The following SCN10A variants were observed in gnomAD, a reference collection of about 807,000 sequenced individuals.
SCN10A encodes the protein sodium voltage-gated channel alpha subunit 10.
SCN10A carries 162 observed loss-of-function variants against 170.7 expected under a neutral mutation model. The observed-to-expected ratio is 0.95, with a 90% confidence interval of 0.84 to 1.08. The LOEUF is 1.08. Among genes scored for constraint, SCN10A ranks in the 50% least tolerant of loss-of-function variants. The probability of loss-of-function intolerance (pLI) is 0.00; values close to 1 mark genes in which losing one functional copy is unlikely to be tolerated. For synonymous variants in SCN10A, 985 were observed against 904.6 expected, an observed-to-expected ratio of 1.09 and a Z score of -1.59; for missense variants, 2,527 against 2,436.9, an observed-to-expected ratio of 1.04 and a Z score of -0.78.
At chr3:38,699,306 C>G (rs1027966879) in intron 27 of SCN10A, among the ~76,000 whole-genome samples, 1 of 147,634 alleles carries the variant, frequency 6.8e-6, no homozygotes, top group African/African-American at 2.5e-5. Flanking sequence ...CAACTATGAA[C>G]AAAGTTGGAA....
intron 21 of SCN10A, among the ~76,000 whole-genome samples, chr3:38,714,381 T>G (rs1453680744): frequency 6.6e-6 from 1 of 152,222 alleles, no homozygotes; most frequent in Non-Finnish European, 1.5e-5. Flanking sequence ...ACTCTTCCTT[T>G]TCCTTCTAGG....
In SCN10A at chr3:38,793,932, G is replaced by A; in HGVS notation, c.79C>T (p.Gln27Ter). 6.2e-7 allele frequency: 1 copy of A among 1,614,042 alleles called. No homozygotes were observed. The highest frequency in any genetic ancestry group is 8.5e-7 in the Non-Finnish European group (1 of 1,179,942). The part of the protein sequence containing the change: ...TPESLVEIEK[Q>*]IAAKQGTKKA... ...TTTGTTCCCTGCTTGGCAGCAATTT[G>A]CTTCTCTATCTCCACCAGTGACTCC... is the stretch of plus-strand genomic sequence containing the variant. The change falls in exon 2 of 28, where the codon CAA (glutamine) becomes TAA (stop). Residue 27 changes from glutamine to a stop codon, truncating the protein, a stop_gained. Coordinates refer to ENST00000449082, the MANE Select transcript of SCN10A (RefSeq NM_006514.4). LOFTEE classifies it high-confidence loss of function.
rs779570073 is a variant in SCN10A at position 38,761,215 on chromosome 3, G to C, written c.860C>G (p.Thr287Ser). 3.1e-6 allele frequency: 5 copies of C among 1,607,672 alleles called. No individual in the cohort carries two copies. Among genetic ancestry groups the C allele is most frequent in the Non-Finnish European group, 4.3e-6 (5 of 1,175,508 alleles). Residue 287 changes from threonine to serine, a missense_variant, in exon 7 of 28, where the codon ACC (threonine) becomes AGC (serine). Coordinates refer to ENST00000449082, the MANE Select transcript of SCN10A (RefSeq NM_006514.4). ...ACGTTTTCTGTGAGATGAGTAGTTGGTTGTCTCATTGACAGCCATGTCATT... is the reference window on the plus strand; with the variant it reads ...ACGTTTTCTGTGAGATGAGTAGTTGCTTGTCTCATTGACAGCCATGTCATT... The part of the protein sequence containing the change: ...VKNDMAVNET[T>S]NYSSHRKPDI...
chr3:38,778,927 C>T (rs533221803), intron 4 of SCN10A, among the ~76,000 whole-genome samples: 2 of 152,054 alleles, frequency 1.3e-5, no homozygotes, highest in South Asian at 4.2e-4. Flanking sequence ...TCATAGTGTG[C>T]ATATAAAGGG....
intron 13 of SCN10A, among the ~76,000 whole-genome samples, chr3:38,746,097 A>ATATATAGGCCATCTT (rs1559439571): frequency 1.1e-5 from 1 of 87,114 alleles, no homozygotes; most frequent in Non-Finnish European, 2.5e-5. Flanking sequence ...ATATATATAT[A>ATATATAGGCCATCTT]TATGCCATCT....
chr3:38,781,268 A>G (rs1296801826), intron 4 of SCN10A, among the ~76,000 whole-genome samples: 1 of 152,102 alleles, frequency 6.6e-6, no homozygotes, highest in Non-Finnish European at 1.5e-5. Flanking sequence ...TGCACCAAAA[A>G]AAGTCGTGGT....
chr3:38,758,915 G>C (rs2063838562), intron 8 of SCN10A, among the ~76,000 whole-genome samples: 2 of 152,214 alleles, frequency 1.3e-5, no homozygotes, highest in Admixed American at 1.3e-4. Context: ...CCATTATCTA[G>C]ACAGAAGGAT....
intron 19 of SCN10A, among the ~76,000 whole-genome samples, chr3:38,722,784 C>T (rs190810052): frequency 6.6e-6 from 1 of 152,286 alleles, no homozygotes; most frequent in East Asian, 1.9e-4. Flanking sequence ...AGGGCCACGA[C>T]GTGGCTGGGA....
intron 13 of SCN10A, 118 bp from the exon 14 acceptor site, chr3:38,742,647 T>C: frequency 1.3e-6 from 1 of 762,134 alleles, no homozygotes; most frequent in Non-Finnish European, 2.3e-6. Flanking sequence ...CATTTTGACT[T>C]CAGCCCTCTC....
At chr3:38,725,468 G>A (rs780245371) in intron 17 of SCN10A, among the ~76,000 whole-genome samples, 154 bp from the exon 18 acceptor site, 1 of 152,230 alleles carries the variant, frequency 6.6e-6, no homozygotes, top group Non-Finnish European at 1.5e-5. Context: ...TGTGTGAAGT[G>A]AGCATGAAGA....
In SCN10A at chr3:38,761,396, G is replaced by A; in HGVS notation, c.692-13C>T. 6.2e-7 allele frequency: 1 copy of A among 1,609,486 alleles called. No homozygotes were observed. Among genetic ancestry groups the A allele is most frequent in the Non-Finnish European group, 8.5e-7 (1 of 1,177,220 alleles). On this transcript the variant is annotated splice_polypyrimidine_tract_variant and intron_variant, in intron 6 of 27. Transcript: ENST00000449082. ...ATGACCTTCAGGCCTGCGGGAAGAT[G>A]ACAGTGGTATGACCACATGGATGAG...
chr3:38,707,169 G>T, intron 26 of SCN10A, 110 bp downstream of exon 26: 2 of 1,165,086 alleles, frequency 1.7e-6, no homozygotes, highest in Non-Finnish European at 1.2e-6. Flanking sequence ...CGTCAACCCA[G>T]ATCTTCTCTT....
At chr3:38,722,882 G>A (rs1163777477) in intron 19 of SCN10A, among the ~76,000 whole-genome samples, 1 of 152,162 alleles carries the variant, frequency 6.6e-6, no homozygotes, top group African/African-American at 2.4e-5. Context: ...ATTTTTCTTT[G>A]TATTTTTAGA....
At chr3:38,807,705 C>A (rs2064414116) in intron 1 of SCN10A, among the ~76,000 whole-genome samples, 1 of 152,140 alleles carries the variant, frequency 6.6e-6, no homozygotes, top group African/African-American at 2.4e-5. Flanking sequence ...CTTTTCTGTT[C>A]CAGACCTGAC....
In SCN10A at chr3:38,707,270, G is replaced by A; in HGVS notation, c.4386+9C>T. On this transcript the variant is annotated intron_variant, in intron 26 of 27. Coordinates refer to ENST00000449082, the MANE Select transcript of SCN10A (RefSeq NM_006514.4). ...ACAGGCTGTGCTAGAGGAAACCTCT[G>A]GGGCTCACCAGGGGCCGTGGGATGG... 1 of 1,613,426 alleles carries A rather than the reference G, an allele frequency of 6.2e-7. No homozygotes were observed. The highest frequency in any genetic ancestry group is 8.5e-7 in the Non-Finnish European group (1 of 1,179,790).
Position 38,725,643 on chromosome 3 carries a change from G to A in SCN10A, c.3088-329C>T, listed in dbSNP as rs565548682. Among the ~76,000 whole-genome samples the A allele has an allele frequency of 7.9e-5, 12 of 152,350 alleles. No homozygotes were observed. In the East Asian group the frequency reaches 1.3e-3, roughly 17 times the overall value. Reference sequence around the variant, plus strand: ...TGTTTTGATGACTAAATATGTTAGCGCTTGTAAAACACTTTGCACGAAGTG... The same window carrying A: ...TGTTTTGATGACTAAATATGTTAGCACTTGTAAAACACTTTGCACGAAGTG... On this transcript the variant is annotated intron_variant, in intron 17 of 27. Coordinates refer to ENST00000449082, the MANE Select transcript of SCN10A (RefSeq NM_006514.4).
In SCN10A at chr3:38,697,439, G is replaced by A. The variant is rs781742545; in HGVS notation, c.5781C>T (p.Gly1927=). The change falls in exon 28 of 28, where the codon GGC becomes GGT. Residue 1927 remains glycine (G), a synonymous_variant. Coordinates refer to ENST00000449082, the MANE Select transcript of SCN10A (RefSeq NM_006514.4). ...FPPSYESVTR[G]LSDRVNMRTS... ...TCCTCATGTTGACTCTATCACTAAG[G>A]CCTCTAGTGACACTCTCATAGGACG... The A allele has an allele frequency of 3.7e-6, 6 of 1,614,052 alleles. No individual in the cohort carries two copies. The highest frequency in any genetic ancestry group is 5.1e-6 in the Non-Finnish European group (6 of 1,180,032).
In SCN10A at chr3:38,792,131, C is replaced by CT; in HGVS notation, c.307_308insA (p.Arg103GlnfsTer3). The CT allele has an allele frequency of 6.2e-7, 1 of 1,613,826 alleles. No individual in the cohort carries two copies. The highest frequency in any genetic ancestry group is 8.5e-7 in the Non-Finnish European group (1 of 1,179,814). On this transcript the variant is annotated frameshift_variant, in exon 3 of 28. Transcript: ENST00000449082. LOFTEE classifies it high-confidence loss of function. ...CCACAGGGCCCGAGTGGCACTAAACCGGGAAATGGTCCTCCCTTTGTTCAG... is the reference window on the plus strand; with the variant it reads ...CCACAGGGCCCGAGTGGCACTAAACCTGGGAAATGGTCCTCCCTTTGTTCAG...
At chr3:38,718,386 A>G (rs2063353993) in intron 21 of SCN10A, among the ~76,000 whole-genome samples, 2 of 152,176 alleles carry the variant, frequency 1.3e-5, no homozygotes, top group Non-Finnish European at 2.9e-5. Flanking sequence ...CTCACTTTGG[A>G]TGTAAAAATG....
Sources: allele counts gnomAD v4.1 joint callset (sites outside exome capture counted in the v4.1 genomes callset), GRCh38; gene constraint gnomAD v4.1.1; transcripts MANE v1.5; gene names NCBI Gene and HGNC (gene_info 2026-07-23, HGNC 2026-07-21).